The following SGSM3 variants were observed in gnomAD, a reference collection of about 807,000 sequenced individuals.
SGSM3 encodes small G protein signaling modulator 3.
In SGSM3, 96 loss-of-function variants were observed where a neutral mutation model predicts 100.5. The observed-to-expected ratio is 0.96, with a 90% CI of 0.81 to 1.13. The LOEUF (loss-of-function observed/expected upper bound fraction) is 1.13. SGSM3 is among the 50% of genes most tolerant of loss of function. The pLI, the probability that SGSM3 is intolerant of heterozygous loss-of-function variation, is 0.00. For synonymous variants in SGSM3, 483 were observed against 422.8 expected (o/e 1.14, Z -1.75); for missense variants, 1,001 against 1,015.8 (o/e 0.99, Z 0.20).
chr22:40,397,270 C>G (rs2146931623), intron 1 of SGSM3, among the ~76,000 whole-genome samples: 1 of 152,224 alleles, frequency 6.6e-6, no homozygotes, highest in African/African-American at 2.4e-5. Context: ...CCTGCAGACT[C>G]TATATCCAGA....
In SGSM3 at chr22:40,407,060, C is replaced by T. The variant is rs1350690717; in HGVS notation, c.1229C>T (p.Ala410Val). 1.9e-6 allele frequency: 3 copies of T among 1,592,564 alleles called. No homozygotes were observed. The highest frequency in any genetic ancestry group is 8.6e-7 in the Non-Finnish European group (1 of 1,169,478). Residue 410 changes from alanine to valine, a missense_variant, in exon 11 of 22, where the codon GCT becomes GTT. Transcript: ENST00000248929. The surrounding 1 kb of genome is among the most constrained non-coding windows in gnomAD (Gnocchi z 4.7). Reference protein sequence around the residue: ...RTQRRKSTITALLFGEDDLEA... With the variant: ...RTQRRKSTITVLLFGEDDLEA... ...CAGCGGAGGAAGTCCACCATCACTG[C>T]TCTGCTCTTCGGTGAGAGCTCTGCG...
intron 15 of SGSM3, 33 bp downstream of exon 15, chr22:40,408,153 C>T: frequency 5.0e-6 from 8 of 1,610,648 alleles, no homozygotes; most frequent in Non-Finnish European, 6.8e-6. Context: ...GCACGGCTGG[C>T]ACCCTTCTAG....
At position 40,406,207 on chromosome 22, in the gene SGSM3, G is replaced by T; in HGVS notation, c.944G>T (p.Gly315Val). 6.2e-7 allele frequency: 1 copy of T among 1,614,020 alleles called. No homozygotes were observed. ...GSRVLFQLTLGMLHLKEEELI... is the reference protein window; with the variant it reads ...GSRVLFQLTLVMLHLKEEELI... ...CGGGTGCTGTTCCAGCTCACGCTGG[G>T]CATGCTGCACCTCAAGGTGCTCCAC... The change falls in exon 9 of 22, where the codon GGC becomes GTC. Residue 315 changes from glycine (G) to valine (V), a missense_variant. Coordinates refer to ENST00000248929, the MANE Select transcript of SGSM3 (RefSeq NM_015705.6).
Position 40,407,649 on chromosome 22 carries a change from C to T in SGSM3, c.1524+81C>T, listed in dbSNP as rs772619100. Reference sequence around the variant, plus strand: ...CCCTCCACCAAGCCCCACCCCAACCCCTTTCCCTGCCAAGAGCTTCTCTTG... The same window carrying T: ...CCCTCCACCAAGCCCCACCCCAACCTCTTTCCCTGCCAAGAGCTTCTCTTG... On this transcript the variant is annotated intron_variant, in intron 13 of 21. Coordinates refer to ENST00000248929, the MANE Select transcript of SGSM3 (RefSeq NM_015705.6). The surrounding 1 kb of genome is among the most constrained non-coding windows in gnomAD (Gnocchi z 4.7). 15 of 1,578,692 alleles carry T rather than the reference C, an allele frequency of 9.5e-6. No individual in the cohort carries two copies. The highest frequency in any genetic ancestry group is 1.1e-5 in the South Asian group (1 of 89,208).
chr22:40,372,309 G>A (rs2045736799), intron 1 of SGSM3, among the ~76,000 whole-genome samples: 1 of 151,546 alleles, frequency 6.6e-6, no homozygotes, highest in Admixed American at 6.6e-5. Flanking sequence ...TGTATTTTTA[G>A]TAGAGACGGG....
At chr22:40,404,687 G>C in intron 6 of SGSM3, 23 bp downstream of exon 6, 1 of 1,544,236 alleles carries the variant, frequency 6.5e-7, no homozygotes, top group South Asian at 1.1e-5. Flanking sequence ...GCACTGTGCA[G>C]GAAGAGCTGG....
chr22:40,408,569 A>G (rs938312610), intron 16 of SGSM3, 58 bp from the exon 17 acceptor site: 4 of 1,605,396 alleles, frequency 2.5e-6, no homozygotes, highest in Middle Eastern at 1.6e-4. Flanking sequence ...GTCGGCCCCA[A>G]GGGCTTTGAA....
chr22:40,404,650 A>G lies in SGSM3; in HGVS notation c.460A>G (p.Ile154Val). The G allele has an allele frequency of 6.2e-7, 1 of 1,611,794 alleles. No homozygotes were observed. The highest frequency in any genetic ancestry group is 8.5e-7 in the Non-Finnish European group (1 of 1,178,740). ...IVKNSSNDET[I>V]AAKQIEKDLL... is the part of the protein sequence containing the mutation. ...GAAGAACAGCTCCAACGATGAGACC[A>G]TCGCTGCCAAGCAGGTGAGGCCGGT... Residue 154 changes from isoleucine to valine, a missense_variant, in exon 6 of 22, where the codon ATC becomes GTC. Physicochemically the swap from Ile to Val is conservative, Grantham distance 29. Coordinates refer to ENST00000248929, the MANE Select transcript of SGSM3 (RefSeq NM_015705.6).
At chr22:40,393,188 C>G (rs1436991441) in intron 1 of SGSM3, among the ~76,000 whole-genome samples, 1 of 152,226 alleles carries the variant, frequency 6.6e-6, no homozygotes, top group African/African-American at 2.4e-5. Flanking sequence ...GCGATCGTGG[C>G]TCACTGCAAC....
At chr22:40,398,157 G>C (rs976698699) in intron 1 of SGSM3, among the ~76,000 whole-genome samples, 16 of 152,012 alleles carry the variant, frequency 1.1e-4, no homozygotes, top group Non-Finnish European at 2.4e-4. Flanking sequence ...TAGTAGGACA[G>C]GGTTTCACCA....
In SGSM3 at chr22:40,406,547, T is replaced by G. The variant is rs761118844; in HGVS notation, c.1070T>G (p.Leu357Arg). The G allele has an allele frequency of 1.2e-6, 2 of 1,613,042 alleles. No individual in the cohort carries two copies. The highest frequency in any genetic ancestry group is 1.1e-5 in the South Asian group (1 of 91,050). ...AELLLGVAMR[L>R]AGSLTDVAVE... is the part of the protein sequence containing the mutation. ...CTGCTTCTGGGGGTGGCCATGCGGC[T>G]GGCCGGCTCCCTCACCGATGTGGCC... The change falls in exon 10 of 22, where the codon CTG (leucine) becomes CGG (arginine). Residue 357 changes from leucine to arginine, a missense_variant. Coordinates refer to ENST00000248929, the MANE Select transcript of SGSM3 (RefSeq NM_015705.6).
chr22:40,374,773 G>A (rs2046275278), intron 1 of SGSM3, among the ~76,000 whole-genome samples: 2 of 152,162 alleles, frequency 1.3e-5, no homozygotes, highest in South Asian at 2.1e-4. Context: ...CCAGCTACTC[G>A]GGAGGCTGAG....
chr22:40,373,631 T>C (rs979895087), intron 1 of SGSM3: 6 of 152,288 alleles, frequency 3.9e-5, no homozygotes, highest in African/African-American at 1.4e-4. Flanking sequence ...GTTTTTGTTT[T>C]TTTGAGACAT....
At chr22:40,395,799 G>C (rs1233727116) in intron 1 of SGSM3, among the ~76,000 whole-genome samples, 1 of 152,224 alleles carries the variant, frequency 6.6e-6, no homozygotes, top group Non-Finnish European at 1.5e-5. Context: ...GGCAAGGCCT[G>C]TTGATTCTAC....
At chr22:40,392,688 T>G (rs1167124146) in intron 1 of SGSM3, among the ~76,000 whole-genome samples, 1 of 152,202 alleles carries the variant, frequency 6.6e-6, no homozygotes, top group Non-Finnish European at 1.5e-5. Flanking sequence ...GAGATATAAT[T>G]CATATACCAT....
At chr22:40,395,013 GTAC>G (rs1484875625) in intron 1 of SGSM3, among the ~76,000 whole-genome samples, 1 of 152,140 alleles carries the variant, frequency 6.6e-6, no homozygotes, top group Non-Finnish European at 1.5e-5. Flanking sequence ...ATTGTTACAA[GTAC>G]TACATTTTCT....
intron 1 of SGSM3, among the ~76,000 whole-genome samples, chr22:40,382,780 A>G (rs892438873): frequency 6.6e-5 from 10 of 152,224 alleles, no homozygotes; most frequent in African/African-American, 2.2e-4. Flanking sequence ...TAGGATCTCC[A>G]TGCCAAGCAT....
Position 40,408,051 on chromosome 22 carries a change from A to G in SGSM3, c.1580-20A>G, listed in dbSNP as rs746455535. 2.5e-6 allele frequency: 4 copies of G among 1,601,668 alleles called. No homozygotes were observed. The highest frequency in any genetic ancestry group is 4.5e-5 in the East Asian group (2 of 44,250). ...CTCGGCCCTCGTGGTTGCTCCTTACAGGGCCTGTTTTTCCCACAGGCTGGT... is the reference window on the plus strand; with the variant it reads ...CTCGGCCCTCGTGGTTGCTCCTTACGGGGCCTGTTTTTCCCACAGGCTGGT... On this transcript the variant is annotated intron_variant, in intron 14 of 21. Coordinates refer to ENST00000248929, the MANE Select transcript of SGSM3 (RefSeq NM_015705.6).
intron 1 of SGSM3, among the ~76,000 whole-genome samples, chr22:40,384,463 CAAAAATTAAAA>C (rs1354787868): frequency 1.3e-5 from 2 of 152,080 alleles, no homozygotes; most frequent in South Asian, 4.2e-4. Flanking sequence ...AATAAATAAA[CAAAAATTAAAA>C]AAAAATTAAA....
Sources: gnomAD v4.1 joint callset for allele counts (sites outside exome capture counted in the v4.1 genomes callset) on GRCh38, gnomAD v4.1.1 for gene constraint, Gnocchi (gnomAD v3.1) non-coding constraint, MANE v1.5 for transcripts, NCBI Gene and HGNC (gene_info 2026-07-23, HGNC 2026-07-21) for gene names.